TAFA5: variants seen among roughly 807,000 people sequenced by gnomAD.
The protein encoded by TAFA5 is TAFA chemokine like family member 5.
TAFA5 carries 6 observed loss-of-function variants against 15.3 expected under a neutral mutation model. The ratio of observed to expected loss-of-function variants is 0.39; its 90% confidence interval spans 0.21 to 0.77. The LOEUF is 0.77. Among genes scored for constraint, TAFA5 ranks in the 30% least tolerant of loss-of-function variants. TAFA5 has a pLI of 0.41. For missense variants in TAFA5, 161 were observed against 193.1 expected, an observed-to-expected ratio of 0.83 and a Z score of 0.98; for synonymous variants, 103 against 80.7, an observed-to-expected ratio of 1.28 and a Z score of -1.48.
intron 3 of TAFA5, among the ~76,000 whole-genome samples, chr22:48,749,042 G>A (rs1291699519): frequency 6.6e-6 from 1 of 152,176 alleles, no homozygotes; most frequent in African/African-American, 2.4e-5. Context: ...TCTGCCTCCT[G>A]TTGAAGAGAA....
intron 1 of TAFA5, among the ~76,000 whole-genome samples, chr22:48,569,737 G>C (rs1923520983): frequency 6.6e-6 from 1 of 152,228 alleles, no homozygotes; most frequent in Admixed American, 6.5e-5. Flanking sequence ...CATCCCGGGG[G>C]GTGGCCTCCC....
intron 3 of TAFA5, among the ~76,000 whole-genome samples, chr22:48,712,497 C>T (rs918533340): frequency 1.3e-5 from 2 of 152,208 alleles, no homozygotes; most frequent in Non-Finnish European, 2.9e-5. Context: ...AGGGTGAGCG[C>T]CCGGTGACAA....
chr22:48,534,111 CCAGGCAGGTGAGGGGTGA>C (rs1569170372), intron 1 of TAFA5, among the ~76,000 whole-genome samples: 4 of 151,960 alleles, frequency 2.6e-5, no homozygotes, highest in Non-Finnish European at 4.4e-5. Context: ...TGAGGCAGGG[CCAGGCAGGTGAGGGGTGA>C]CAGGCAGGTG....
chr22:48,496,313 C>T (rs557862248), intron 1 of TAFA5, among the ~76,000 whole-genome samples: 1 of 150,504 alleles, frequency 6.6e-6, no homozygotes, highest in Non-Finnish European at 1.5e-5. Context: ...ATCTGCTGGG[C>T]AGTGAGCTGT....
chr22:48,687,706 C>T (rs918312354), intron 2 of TAFA5, among the ~76,000 whole-genome samples: 1 of 152,150 alleles, frequency 6.6e-6, no homozygotes, highest in Non-Finnish European at 1.5e-5. Flanking sequence ...AGATCCACAA[C>T]CAACAGCACC....
At chr22:48,627,637 G>A (rs1285624297) in intron 1 of TAFA5, among the ~76,000 whole-genome samples, 1 of 152,250 alleles carries the variant, frequency 6.6e-6, no homozygotes, top group Non-Finnish European at 1.5e-5. Context: ...TGTCGTGGGA[G>A]GCCCACGCTG....
intron 2 of TAFA5, among the ~76,000 whole-genome samples, chr22:48,657,237 G>C (rs1927282405): frequency 1.3e-5 from 2 of 152,072 alleles, no homozygotes; most frequent in Admixed American, 6.5e-5. Flanking sequence ...AAGGTTAAAG[G>C]GATACTATGA....
At chr22:48,703,523 A>G (rs1928981495) in intron 2 of TAFA5, among the ~76,000 whole-genome samples, 1 of 152,182 alleles carries the variant, frequency 6.6e-6, no homozygotes, top group African/African-American at 2.4e-5. Context: ...CCACAGTCCC[A>G]GTGAGCTCTG....
At chr22:48,649,125 G>A (rs1421223595) in intron 2 of TAFA5, among the ~76,000 whole-genome samples, 1 of 152,202 alleles carries the variant, frequency 6.6e-6, no homozygotes, top group Admixed American at 6.5e-5. Context: ...GGGGCCGCGG[G>A]CTCTTGGCTG....
At chr22:48,563,625 C>T (rs1046298608) in intron 1 of TAFA5, among the ~76,000 whole-genome samples, 1 of 152,224 alleles carries the variant, frequency 6.6e-6, no homozygotes, top group African/African-American at 2.4e-5. Flanking sequence ...GCTGGGCTCT[C>T]TGCCCCTCGG....
chr22:48,580,107 C>T (rs185077123), intron 1 of TAFA5, among the ~76,000 whole-genome samples: 87 of 152,340 alleles, frequency 5.7e-4, no homozygotes, highest in African/African-American at 1.3e-3. Flanking sequence ...CTTTCAGAAC[C>T]GCTGTGGCGT....
chr22:48,639,250 A>G (rs899648628), intron 1 of TAFA5, among the ~76,000 whole-genome samples: 1 of 152,104 alleles, frequency 6.6e-6, no homozygotes, highest in Non-Finnish European at 1.5e-5. Flanking sequence ...TCCCAGTGGC[A>G]CTGTGGGTCA....
In TAFA5 at chr22:48,560,884, A is replaced by T. The variant is rs1157150107; in HGVS notation, c.112+71180A>T. 6.6e-6 allele frequency among the ~76,000 whole-genome samples: 1 copy of T among 152,146 alleles called. No individual in the cohort carries two copies. The highest frequency in any genetic ancestry group is 1.5e-5 in the Non-Finnish European group (1 of 68,018). On this transcript the variant is annotated intron_variant, in intron 1 of 3. Transcript: ENST00000402357. This position sits in a 1 kb window ranked among gnomAD's most constrained non-coding sequence, Gnocchi z 4.2. The stretch of plus-strand genomic sequence containing the variant: ...CTCGGCCTCCCAAAGTTCTGGGATT[A>T]CAGGTGTGAGCCACCACGCCTGGCC...
intron 1 of TAFA5, among the ~76,000 whole-genome samples, chr22:48,515,497 C>T (rs1420993604): frequency 6.6e-6 from 1 of 152,172 alleles, no homozygotes; most frequent in Non-Finnish European, 1.5e-5. Context: ...ACCTCAACTC[C>T]TCCATCCACC....
chr22:48,596,863 C>T (rs1297422339), intron 1 of TAFA5, among the ~76,000 whole-genome samples: 1 of 152,186 alleles, frequency 6.6e-6, no homozygotes, highest in Non-Finnish European at 1.5e-5. Context: ...AGCTGGAGTG[C>T]AGTGGTGCGA....
At chr22:48,597,881 G>C (rs764698206) in intron 1 of TAFA5, among the ~76,000 whole-genome samples, 1 of 152,220 alleles carries the variant, frequency 6.6e-6, no homozygotes, top group Non-Finnish European at 1.5e-5. Flanking sequence ...AGGGACAGTC[G>C]GGTTGGACCA....
chr22:48,649,851 C>G (rs2878990), intron 2 of TAFA5, among the ~76,000 whole-genome samples: 130,780 of 152,172 alleles, frequency 0.86, 56,710 homozygotes, highest in East Asian at 1. Flanking sequence ...GCCCGCCTAT[C>G]GGCAGAGTTG....
At chr22:48,684,779 T>C (rs1299095020) in intron 2 of TAFA5, among the ~76,000 whole-genome samples, 1 of 152,132 alleles carries the variant, frequency 6.6e-6, no homozygotes, top group Non-Finnish European at 1.5e-5. Context: ...TACAAAGGTT[T>C]CCATGTTTCA....
At chr22:48,689,564 C>A (rs1466361905) in intron 2 of TAFA5, among the ~76,000 whole-genome samples, 1 of 152,168 alleles carries the variant, frequency 6.6e-6, no homozygotes. Context: ...TGAGATGTTG[C>A]TCAATCTTGA....
Sources: allele counts gnomAD v4.1 joint callset (sites outside exome capture counted in the v4.1 genomes callset), GRCh38; gene constraint gnomAD v4.1.1; non-coding constraint Gnocchi (gnomAD v3.1); transcripts MANE v1.5; gene names NCBI Gene and HGNC (gene_info 2026-07-23, HGNC 2026-07-21).